Variants in ZRANB3 observed in about 807,000 individuals in gnomAD.
ZRANB3 encodes the protein zinc finger RANBP2-type containing 3.
In ZRANB3, 125 loss-of-function variants were observed where a neutral mutation model predicts 133.8. That is an observed-to-expected ratio of 0.93 (90% CI 0.81 to 1.08). ZRANB3 has a LOEUF of 1.08. Ranked by LOEUF, ZRANB3 falls within the 50% of genes least tolerant of loss-of-function variation. The pLI, the probability that ZRANB3 is intolerant of heterozygous loss-of-function variation, is 0.00. For synonymous variants in ZRANB3, 387 were observed against 432.7 expected (o/e 0.89, Z 1.31); for missense variants, 1,229 against 1,275.5 (o/e 0.96, Z 0.56).
intron 12 of ZRANB3, among the ~76,000 whole-genome samples, chr2:135,264,852 G>T (rs567266443): frequency 6.6e-6 from 1 of 151,742 alleles, no homozygotes; most frequent in African/African-American, 2.4e-5. Flanking sequence ...TGGTTCAAGC[G>T]ATTCTTGTGC....
chr2:135,287,618 G>A (rs1053483612), intron 8 of ZRANB3, among the ~76,000 whole-genome samples: 3 of 144,362 alleles, frequency 2.1e-5, no homozygotes, highest in African/African-American at 7.9e-5. Flanking sequence ...GCAGTGTTTT[G>A]TAGTTTTCCT....
intron 12 of ZRANB3, among the ~76,000 whole-genome samples, chr2:135,244,352 T>C (rs922207581): frequency 2.0e-5 from 3 of 152,152 alleles, no homozygotes; most frequent in African/African-American, 7.2e-5. Flanking sequence ...ACGCCTGTAA[T>C]CTCAGCACTT....
intron 2 of ZRANB3, among the ~76,000 whole-genome samples, chr2:135,417,780 C>T (rs375484471): frequency 6.6e-6 from 1 of 152,112 alleles, no homozygotes. Flanking sequence ...ACTATGCAGC[C>T]ATAAAAAGTG....
Position 135,333,846 on chromosome 2 carries a change from C to T in ZRANB3, c.677+11704G>A, listed in dbSNP as rs970424960. On this transcript the variant is annotated intron_variant, in intron 6 of 20. Transcript: ENST00000264159. Reference sequence around the variant, plus strand: ...TTTACTGCAATTGAAAAACCTAAAACATATACAGGCAACTGTATCTACTGA... The same window carrying T: ...TTTACTGCAATTGAAAAACCTAAAATATATACAGGCAACTGTATCTACTGA... Among the ~76,000 whole-genome samples the T allele has an allele frequency of 7.2e-5, 11 of 152,262 alleles. No homozygotes were observed. The East Asian group carries it at 1.5e-3, about 21-fold the overall frequency.
At chr2:135,301,888 C>T (rs1236933485) in intron 8 of ZRANB3, among the ~76,000 whole-genome samples, 1 of 152,170 alleles carries the variant, frequency 6.6e-6, no homozygotes, top group African/African-American at 2.4e-5. Flanking sequence ...ACATTCTGTT[C>T]ACCATACCTC....
intron 2 of ZRANB3, among the ~76,000 whole-genome samples, chr2:135,447,515 T>A (rs900893479): frequency 6.6e-6 from 1 of 152,226 alleles, no homozygotes; most frequent in Admixed American, 6.5e-5. Context: ...GTTCCCTGAA[T>A]AATCTGCTTC....
intron 8 of ZRANB3, among the ~76,000 whole-genome samples, chr2:135,277,934 A>C (rs970570861): frequency 1.8e-4 from 23 of 129,306 alleles, no homozygotes; most frequent in African/African-American, 6.9e-4. Flanking sequence ...AAAAAAAAAC[A>C]AAAAAAAAAA....
chr2:135,396,811 T>C (rs188920353), intron 2 of ZRANB3, among the ~76,000 whole-genome samples: 254 of 152,168 alleles, frequency 1.7e-3, no homozygotes, highest in African/African-American at 5.9e-3. Flanking sequence ...ATTAAAACAA[T>C]ATAATTGGAT....
At chr2:135,456,746 A>C (rs1365012842) in intron 2 of ZRANB3, among the ~76,000 whole-genome samples, 1 of 152,152 alleles carries the variant, frequency 6.6e-6, no homozygotes, top group Non-Finnish European at 1.5e-5. Flanking sequence ...ACGTGGATAC[A>C]AAGTACAGGA....
intron 2 of ZRANB3, among the ~76,000 whole-genome samples, chr2:135,501,155 C>G (rs944621224): frequency 7.2e-5 from 11 of 151,978 alleles, no homozygotes; most frequent in South Asian, 6.2e-4. Flanking sequence ...AGATGATGCA[C>G]AAAGGAACAA....
chr2:135,438,730 T>A (rs1268233310), intron 2 of ZRANB3, among the ~76,000 whole-genome samples: 3 of 152,160 alleles, frequency 2.0e-5, no homozygotes, highest in Admixed American at 2.0e-4. Flanking sequence ...ATCTGTTGAC[T>A]TCTGTGGAAA....
intron 6 of ZRANB3, among the ~76,000 whole-genome samples, chr2:135,337,443 C>T (rs1448293445): frequency 6.6e-6 from 1 of 152,098 alleles, no homozygotes; most frequent in African/African-American, 2.4e-5. Flanking sequence ...AAATCAGAAA[C>T]CTGCTTGGAA....
At chr2:135,372,744 G>T (rs189886933) in intron 3 of ZRANB3, among the ~76,000 whole-genome samples, 8 of 146,152 alleles carry the variant, frequency 5.5e-5, no homozygotes. Context: ...CCAAGATTGC[G>T]CCACTGCACT....
chr2:135,323,831 G>A lies in ZRANB3; in HGVS notation c.678-8301C>T, dbSNP rs544841554. 7.2e-5 allele frequency among the ~76,000 whole-genome samples: 11 copies of A among 151,814 alleles called. No individual in the cohort carries two copies. The East Asian group carries it at 1.8e-3, about 24-fold the overall frequency. On this transcript the variant is annotated intron_variant, in intron 6 of 20. Transcript: ENST00000264159. The stretch of plus-strand genomic sequence containing the variant: ...TCTCCAGGCTGGAGTGCAGTGGTTC[G>A]ATCTCGGCTCACTGCAACCTCTGCC...
At chr2:135,230,135 A>G (rs1694930788) in intron 13 of ZRANB3, among the ~76,000 whole-genome samples, 1 of 152,214 alleles carries the variant, frequency 6.6e-6, no homozygotes, top group South Asian at 2.1e-4. Context: ...CAATTTCCTT[A>G]AAAACAAGTA....
chr2:135,383,125 C>T (rs1686800301), intron 3 of ZRANB3, among the ~76,000 whole-genome samples: 1 of 151,752 alleles, frequency 6.6e-6, no homozygotes, highest in Non-Finnish European at 1.5e-5. Context: ...CTCACATAGG[C>T]TCAAAATAAA....
intron 2 of ZRANB3, among the ~76,000 whole-genome samples, chr2:135,499,338 T>C (rs1692832672): frequency 6.6e-6 from 1 of 152,186 alleles, no homozygotes; most frequent in Non-Finnish European, 1.5e-5. Context: ...GGATAAAGAT[T>C]ATGTAAGATG....
intron 12 of ZRANB3, among the ~76,000 whole-genome samples, chr2:135,235,038 C>G (rs1378959288): frequency 6.6e-6 from 1 of 152,084 alleles, no homozygotes; most frequent in Non-Finnish European, 1.5e-5. Flanking sequence ...TGATAGACCG[C>G]TAGCAGGACT....
chr2:135,523,688 T>C (rs1433897777), intron 1 of ZRANB3, among the ~76,000 whole-genome samples: 2 of 152,208 alleles, frequency 1.3e-5, no homozygotes, highest in Admixed American at 6.5e-5. Context: ...GAGACACAGA[T>C]GGTCAACTAA....
Sources: allele counts gnomAD v4.1 joint callset (sites outside exome capture counted in the v4.1 genomes callset), GRCh38; gene constraint gnomAD v4.1.1; transcripts MANE v1.5; gene names NCBI Gene and HGNC (gene_info 2026-07-23, HGNC 2026-07-21).